The following BLK variants were observed in gnomAD, a reference collection of about 807,000 sequenced individuals.
BLK encodes BLK proto-oncogene, Src family tyrosine kinase.
In BLK, 64 loss-of-function variants were observed where a neutral mutation model predicts 61.8. The observed-to-expected ratio is 1.03, with a 90% CI of 0.85 to 1.27. The LOEUF (loss-of-function observed/expected upper bound fraction) is 1.27, where lower values mean the gene tolerates loss of function less well. Among genes scored for constraint, BLK ranks in the 50% most tolerant of loss-of-function variants. The pLI, the probability that BLK is intolerant of heterozygous loss-of-function variation, is 0.00. For synonymous variants in BLK, 351 were observed against 272.0 expected, an observed-to-expected ratio of 1.29 and a Z score of -2.86; for missense variants, 853 against 660.5, an observed-to-expected ratio of 1.29 and a Z score of -3.19.
intron 1 of BLK, among the ~76,000 whole-genome samples, chr8:11,514,627 C>G (rs181833295): frequency 6.6e-6 from 1 of 152,162 alleles, no homozygotes; most frequent in Admixed American, 6.5e-5. Context: ...CCACCCAGCC[C>G]CTGTGATTGC....
intron 2 of BLK, among the ~76,000 whole-genome samples, 156 bp downstream of exon 2, chr8:11,543,503 C>T (rs765793020): frequency 1.3e-5 from 2 of 152,178 alleles, no homozygotes; most frequent in South Asian, 2.1e-4. Context: ...ATAACACGCA[C>T]AGGACCCGGC....
At chr8:11,524,639 A>G (rs1799580547) in intron 1 of BLK, among the ~76,000 whole-genome samples, 1 of 152,220 alleles carries the variant, frequency 6.6e-6, no homozygotes, top group African/African-American at 2.4e-5. Flanking sequence ...AACCTCAACA[A>G]AAATTAAGGG....
At chr8:11,534,584 A>C (rs2248909) in intron 1 of BLK, among the ~76,000 whole-genome samples, 65,812 of 152,102 alleles carry the variant, frequency 0.43, 15,271 homozygotes, top group Non-Finnish European at 0.52. Context: ...TCTGCTCAGC[A>C]CCCTCAAACT....
At chr8:11,512,992 G>A (rs1460802011) in intron 1 of BLK, among the ~76,000 whole-genome samples, 2 of 152,110 alleles carry the variant, frequency 1.3e-5, no homozygotes, top group African/African-American at 2.4e-5. Context: ...AAGGTCTTAC[G>A]GGCCACATAA....
chr8:11,507,017 A>G (rs1294114600), intron 1 of BLK, among the ~76,000 whole-genome samples: 2 of 152,224 alleles, frequency 1.3e-5, no homozygotes, highest in Admixed American at 6.5e-5. Flanking sequence ...CGGGTAGGGA[A>G]AATAACAAAT....
chr8:11,543,858 A>C (rs1793531331), intron 2 of BLK, among the ~76,000 whole-genome samples: 1 of 152,234 alleles, frequency 6.6e-6, no homozygotes, highest in Non-Finnish European at 1.5e-5. Flanking sequence ...GTGAAATTTC[A>C]AGTGAAAAGG....
intron 1 of BLK, among the ~76,000 whole-genome samples, chr8:11,526,279 A>T (rs943968164): frequency 5.9e-5 from 9 of 152,230 alleles, no homozygotes; most frequent in Non-Finnish European, 1.3e-4. Flanking sequence ...TGGCTTTATG[A>T]CTTTAAATAA....
At chr8:11,561,582 T>C in intron 11 of BLK, 130 bp downstream of exon 11, 1 of 1,232,734 alleles carries the variant, frequency 8.1e-7, no homozygotes, top group Admixed American at 2.0e-5. Context: ...TCTACAGCTC[T>C]AGATCAGCAT....
At chr8:11,537,628 C>T (rs1800186974) in intron 1 of BLK, among the ~76,000 whole-genome samples, 2 of 152,190 alleles carry the variant, frequency 1.3e-5, no homozygotes, top group Non-Finnish European at 2.9e-5. Context: ...CCTCCAGCTG[C>T]CAGCTCTGCC....
intron 1 of BLK, 78 bp from the exon 2 acceptor site, chr8:11,543,146 G>T (rs574831620): frequency 1.3e-5 from 21 of 1,607,284 alleles, no homozygotes; most frequent in Non-Finnish European, 1.7e-5. Flanking sequence ...CTCCCGGAAG[G>T]GGCCAGGGAT....
intron 4 of BLK, among the ~76,000 whole-genome samples, chr8:11,548,648 G>T (rs547225054): frequency 2.0e-5 from 3 of 152,152 alleles, no homozygotes; most frequent in Non-Finnish European, 4.4e-5. Flanking sequence ...TTCTCCAAAG[G>T]CCCTGAGCCA....
Position 11,555,487 on chromosome 8 carries a change from G to C in BLK, c.772+3G>C. On this transcript the variant is annotated splice_donor_region_variant and intron_variant, in intron 8 of 12. Transcript: ENST00000259089. ...ACAATTCGGCGAAGTCTGGATGGGTGAGTGTGTGCACACGTGGGAGCATTT... is the reference window on the plus strand; with the variant it reads ...ACAATTCGGCGAAGTCTGGATGGGTCAGTGTGTGCACACGTGGGAGCATTT... 1 of 1,614,126 alleles carries C rather than the reference G, an allele frequency of 6.2e-7. No individual in the cohort carries two copies. The highest frequency in any genetic ancestry group is 8.5e-7 in the Non-Finnish European group (1 of 1,180,026).
At chr8:11,563,136 G>A (rs200818082) in intron 12 of BLK, 26 bp downstream of exon 12, 13 of 1,613,112 alleles carry the variant, frequency 8.1e-6, no homozygotes, top group African/African-American at 4.0e-5. Context: ...CGCAGCTCGC[G>A]GCTCCCTGCT....
At chr8:11,513,427 T>G (rs948769688) in intron 1 of BLK, among the ~76,000 whole-genome samples, 5 of 152,208 alleles carry the variant, frequency 3.3e-5, no homozygotes, top group African/African-American at 1.2e-4. Flanking sequence ...CAGGCTCCTT[T>G]AGGGCATGAG....
At chr8:11,535,317 AAAGAAAGAGAAGG>A (rs1405941414) in intron 1 of BLK, among the ~76,000 whole-genome samples, 1 of 124,072 alleles carries the variant, frequency 8.1e-6, no homozygotes, top group African/African-American at 2.6e-5. Context: ...AGAAAGAAAG[AAAGAAAGAGAAGG>A]AAAAGGGAAG....
At chr8:11,555,656 C>A (rs1801177435) in intron 8 of BLK, 172 bp downstream of exon 8, 3 of 1,077,566 alleles carry the variant, frequency 2.8e-6, no homozygotes, top group African/African-American at 1.6e-5. Context: ...AGGTGCAGAG[C>A]CGCGTTGTAA....
chr8:11,534,686 T>C (rs919869184), intron 1 of BLK, among the ~76,000 whole-genome samples: 1 of 152,176 alleles, frequency 6.6e-6, no homozygotes, highest in African/African-American at 2.4e-5. Flanking sequence ...AAAATTGAAA[T>C]GGCCACATAA....
At chr8:11,536,299 T>C (rs879923704) in intron 1 of BLK, among the ~76,000 whole-genome samples, 3 of 152,234 alleles carry the variant, frequency 2.0e-5, no homozygotes, top group Non-Finnish European at 4.4e-5. Flanking sequence ...TAAAACGATA[T>C]GATGTAAAAT....
intron 10 of BLK, 69 bp downstream of exon 10, chr8:11,558,107 C>A: frequency 1.4e-6 from 2 of 1,452,076 alleles, no homozygotes; most frequent in South Asian, 1.1e-5. Flanking sequence ...GCTGCTCGTG[C>A]CTTACCACCC....
Sources: allele counts gnomAD v4.1 joint callset (sites outside exome capture counted in the v4.1 genomes callset), GRCh38; gene constraint gnomAD v4.1.1; transcripts MANE v1.5; gene names NCBI Gene and HGNC (gene_info 2026-07-23, HGNC 2026-07-21).